Variants in DLG5 observed in about 807,000 individuals in gnomAD.
DLG5 encodes discs large MAGUK scaffold protein 5.
DLG5 carries 48 observed loss-of-function variants against 189.8 expected under a neutral mutation model. The ratio of observed to expected loss-of-function variants is 0.25; its 90% confidence interval spans 0.20 to 0.32. DLG5 has a LOEUF of 0.32. Among genes scored for constraint, DLG5 ranks in the 10% least tolerant of loss-of-function variants. The pLI, the probability that DLG5 is intolerant of heterozygous loss-of-function variation, is 1.00. For missense variants in DLG5, 2,160 were observed against 2,544.7 expected (o/e 0.85, Z 3.25); for synonymous variants, 1,016 against 1,054.1 (o/e 0.96, Z 0.70).
intron 1 of DLG5, among the ~76,000 whole-genome samples, chr10:77,920,165 T>C (rs1449980053): frequency 1.3e-5 from 2 of 152,166 alleles, no homozygotes; most frequent in East Asian, 3.9e-4. Context: ...CTAAGGCTAG[T>C]TGCTGTCTAC....
Position 77,796,248 on chromosome 10 carries a change from G to C in DLG5, c.5309-60C>G. The C allele has an allele frequency of 1.2e-6, 2 of 1,612,300 alleles. No individual in the cohort carries two copies. Among genetic ancestry groups the C allele is most frequent in the Non-Finnish European group, 1.7e-6 (2 of 1,179,324 alleles). On this transcript the variant is annotated intron_variant, in intron 28 of 31. Coordinates refer to ENST00000372391, the MANE Select transcript of DLG5 (RefSeq NM_004747.4). The surrounding 1 kb of genome is among the most constrained non-coding windows in gnomAD (Gnocchi z 5.2). ...AGGCCCTGCTGAGCCCCAGCAGAGG[G>C]AGCAGGGGAAGAACACTGCTCAGCA...
chr10:77,802,101 C>T (rs1841236045), intron 27 of DLG5, among the ~76,000 whole-genome samples: 1 of 152,210 alleles, frequency 6.6e-6, no homozygotes, highest in African/African-American at 2.4e-5. Context: ...AACAGGCTCT[C>T]TCCTCAAGCC....
At chr10:77,854,439 C>T (rs1844132490) in intron 3 of DLG5, 69 bp from the exon 4 acceptor site, 3 of 1,587,280 alleles carry the variant, frequency 1.9e-6, no homozygotes, top group Non-Finnish European at 2.6e-6. Flanking sequence ...GAACCAGGTC[C>T]TGGATTAGGC....
intron 5 of DLG5, chr10:77,846,830 G>A (rs1241694991): frequency 2.4e-6 from 1 of 417,536 alleles, no homozygotes; most frequent in South Asian, 1.7e-5. Context: ...CCCACAAGGT[G>A]GCAGCCGCGG....
chr10:77,853,584 A>C (rs1002265554), intron 4 of DLG5, 47 bp from the exon 5 acceptor site: 2 of 1,441,892 alleles, frequency 1.4e-6, no homozygotes, highest in Non-Finnish European at 1.8e-6. Flanking sequence ...AGCCCCTCAC[A>C]CCCCGCCCCA....
At chr10:77,931,995 T>C in the DLG5 span, among the ~76,000 whole-genome samples, 1 of 152,218 alleles carries the variant, frequency 6.6e-6, no homozygotes, top group Non-Finnish European at 1.5e-5. Flanking sequence ...TCCCTAATGT[T>C]AGAGCAGGCA....
intron 1 of DLG5, among the ~76,000 whole-genome samples, chr10:77,901,944 G>A (rs185596186): frequency 1.8e-4 from 27 of 152,300 alleles, no homozygotes; most frequent in African/African-American, 6.3e-4. Flanking sequence ...ATACTCACTC[G>A]TATGCTGGTA....
In DLG5 at chr10:77,822,247, C is replaced by CATGAACATGA; in HGVS notation, c.2383-147_2383-146insTCATGTTCAT. 5 of 799,666 alleles carry CATGAACATGA rather than the reference C, an allele frequency of 6.3e-6. No individual in the cohort carries two copies. In the South Asian group the frequency reaches 9.6e-5, roughly 15 times the overall value. 49.5% of individuals were successfully genotyped at this position (799,666 alleles called of 1,614,324 possible). A position where few individuals can be genotyped will look rare whatever the true frequency, so the allele number is the denominator to read the frequency against. On this transcript the variant is annotated intron_variant, in intron 14 of 31. Transcript: ENST00000372391. ...AGAGACAGATAGACAGAGATGCACACACACATGAACACATATGCTTCTCCC... is the reference window on the plus strand; with the variant it reads ...AGAGACAGATAGACAGAGATGCACACATGAACATGAACACATGAACACATATGCTTCTCCC...
At chr10:77,817,175 G>T in intron 18 of DLG5, 79 bp from the exon 19 acceptor site, 1 of 1,307,662 alleles carries the variant, frequency 7.6e-7, no homozygotes, top group Non-Finnish European at 1.1e-6. Flanking sequence ...CAGGCTACCA[G>T]TCAGGATAAT....
the DLG5 span, among the ~76,000 whole-genome samples, chr10:77,932,688 C>T: frequency 4.6e-5 from 7 of 152,080 alleles, no homozygotes; most frequent in Non-Finnish European, 1.0e-4. Context: ...ACAAATTCTC[C>T]CTGGTGCCAC....
At chr10:77,802,550 T>C (rs1336348139) in intron 27 of DLG5, among the ~76,000 whole-genome samples, 4 of 152,188 alleles carry the variant, frequency 2.6e-5, no homozygotes, top group Non-Finnish European at 5.9e-5. Flanking sequence ...GATGTGCAAA[T>C]GGACAGACTG....
At chr10:77,832,639 C>T (rs1842937357) in intron 9 of DLG5, among the ~76,000 whole-genome samples, 1 of 152,096 alleles carries the variant, frequency 6.6e-6, no homozygotes, top group Non-Finnish European at 1.5e-5. Context: ...CCCTCACCAG[C>T]ATCCTGCCAG....
chr10:77,871,949 T>C (rs1434042904), intron 1 of DLG5, among the ~76,000 whole-genome samples: 2 of 152,230 alleles, frequency 1.3e-5, no homozygotes, highest in Non-Finnish European at 2.9e-5. Context: ...AATCCATTGA[T>C]ATCTTCAAAG....
the DLG5 span, among the ~76,000 whole-genome samples, chr10:77,938,860 G>A: frequency 6.6e-6 from 1 of 152,216 alleles, no homozygotes; most frequent in Non-Finnish European, 1.5e-5. Flanking sequence ...GAGTGGCTGA[G>A]AAGTCCCAGA....
intron 2 of DLG5, among the ~76,000 whole-genome samples, chr10:77,859,864 G>A (rs775482506): frequency 1.8e-4 from 27 of 152,168 alleles, no homozygotes; most frequent in Non-Finnish European, 3.1e-4. Context: ...CCCCAAAGGG[G>A]TCTCCTCTGC....
rs576732851 is a variant in DLG5 at position 77,849,969 on chromosome 10, G to C, written c.864+3385C>G. Among the ~76,000 whole-genome samples, 6 of 152,276 alleles carry C rather than the reference G, an allele frequency of 3.9e-5. No individual in the cohort carries two copies. In the East Asian group the frequency reaches 9.7e-4, roughly 25 times the overall value. On this transcript the variant is annotated intron_variant, in intron 5 of 31. Coordinates refer to ENST00000372391, the MANE Select transcript of DLG5 (RefSeq NM_004747.4). ...TCCTCCTGCTCCTTCCAAAGTGCTG[G>C]GATTACAGGTGTGAGCCACTGTACC...
Position 77,926,298 on chromosome 10 carries a change from G to A in DLG5, c.223C>T (p.Leu75=). ...AGCAGGTGAGGCTGCGTCTTCTCCA[G>A]CGCCGCCCGCAGGTCCTGGAAGTGG... ...RDHFQDLRAA[L]EKTQPHLLPI... is the part of the protein sequence containing the mutation. Residue 75 remains leucine (L), a synonymous_variant, in exon 1 of 32, where the codon CTG becomes TTG. Coordinates refer to ENST00000372391, the MANE Select transcript of DLG5 (RefSeq NM_004747.4). This position sits in a 1 kb window ranked among gnomAD's most constrained non-coding sequence, Gnocchi z 5.2. The A allele has an allele frequency of 6.3e-7, 1 of 1,597,018 alleles. No individual in the cohort carries two copies. Among genetic ancestry groups the A allele is most frequent in the Non-Finnish European group, 8.5e-7 (1 of 1,173,426 alleles).
intron 3 of DLG5, among the ~76,000 whole-genome samples, chr10:77,856,465 C>CACAT (rs1226424563): frequency 1.3e-5 from 2 of 149,756 alleles, no homozygotes; most frequent in East Asian, 1.9e-4. Context: ...CACACACACA[C>CACAT]ACACACACAC....
At chr10:77,860,319 C>G (rs980759090) in intron 2 of DLG5, among the ~76,000 whole-genome samples, 1 of 152,152 alleles carries the variant, frequency 6.6e-6, no homozygotes, top group African/African-American at 2.4e-5. Context: ...TTTTTTGAGA[C>G]AGAGTTTCAC....
Sources: allele counts gnomAD v4.1 joint callset (sites outside exome capture counted in the v4.1 genomes callset), GRCh38; gene constraint gnomAD v4.1.1; non-coding constraint Gnocchi (gnomAD v3.1); transcripts MANE v1.5; gene names NCBI Gene and HGNC (gene_info 2026-07-23, HGNC 2026-07-21).